The following FSIP2 variants were observed in gnomAD, a reference collection of about 807,000 sequenced individuals.
The protein encoded by FSIP2 is fibrous sheath interacting protein 2.
Under a neutral mutation model 510.5 loss-of-function variants are expected in FSIP2, and 367 were observed. The ratio of observed to expected loss-of-function variants is 0.72; its 90% CI spans 0.66 to 0.78. FSIP2 has a LOEUF of 0.78. Among genes scored for constraint, FSIP2 ranks in the 30% least tolerant of loss-of-function variants. The pLI, the probability that FSIP2 is intolerant of heterozygous loss-of-function variation, is 0.00. For synonymous variants in FSIP2, 2,601 were observed against 2,732.2 expected (o/e 0.95, Z 1.50); for missense variants, 7,594 against 7,901.7 (o/e 0.96, Z 1.48).
intron 20 of FSIP2, among the ~76,000 whole-genome samples, chr2:185,826,018 T>A (rs924314719): frequency 4.6e-5 from 7 of 151,848 alleles, no homozygotes; most frequent in Non-Finnish European, 7.4e-5. Flanking sequence ...ATACTTACCA[T>A]TGTGTTAGAG....
chr2:185,782,114 G>A (rs1692864398), intron 13 of FSIP2, among the ~76,000 whole-genome samples: 2 of 152,184 alleles, frequency 1.3e-5, no homozygotes, highest in African/African-American at 4.8e-5. Context: ...GGGATTACAG[G>A]CAATGTCAGT....
intron 19 of FSIP2, among the ~76,000 whole-genome samples, chr2:185,815,769 G>A (rs1333926004): frequency 6.6e-6 from 1 of 151,972 alleles, no homozygotes; most frequent in African/African-American, 2.4e-5. Flanking sequence ...GAGAGAGAGA[G>A]GTAATGGCCC....
At chr2:185,762,104 T>C in intron 11 of FSIP2, 87 bp downstream of exon 11, 1 of 641,372 alleles carries the variant, frequency 1.6e-6, no homozygotes, top group Non-Finnish European at 2.6e-6. Context: ...TTTTATCTGA[T>C]TATAAAAATA....
rs564204682 is a variant in FSIP2, at chr2:185,743,140, G to A, written c.233G>A (p.Arg78Gln). ...YTTNFGEKLF[R>Q]PSYGFNLTDP... ...TTGAATCTGTGTTTGCAGCTTTTTC[G>A]ACCTTCTTATGGTTTTAACCTGACT... Residue 78 changes from arginine to glutamine, a missense_variant, in exon 3 of 23, where the codon CGA becomes CAA. Coordinates refer to ENST00000424728, the MANE Select transcript of FSIP2 (RefSeq NM_173651.4). 3.4e-6 allele frequency: 5 copies of A among 1,460,388 alleles called. No individual in the cohort carries two copies. Among genetic ancestry groups the A allele is most frequent in the South Asian group, 2.8e-5 (2 of 71,102 alleles). 90.5% of individuals were successfully genotyped at this position (1,460,388 alleles called of 1,614,324 possible).
At position 185,740,984 on chromosome 2, in the gene FSIP2, C is replaced by T. The variant is rs1691911872; in HGVS notation, c.225+1513C>T. On this transcript the variant is annotated intron_variant, in intron 2 of 22. Coordinates refer to ENST00000424728, the MANE Select transcript of FSIP2 (RefSeq NM_173651.4). ...AAGTATAATTGCTCTTTAAAAAAAA[C>T]TAATCTGTTCTACTAGATTAGAGCA... Among the ~76,000 whole-genome samples, 5 of 152,218 alleles carry T rather than the reference C, an allele frequency of 3.3e-5. 1 individual carries two copies. In the South Asian group the frequency reaches 1.0e-3, roughly 32 times the overall value.
intron 5 of FSIP2, among the ~76,000 whole-genome samples, chr2:185,746,305 TTTGAAG>T (rs1692033203): frequency 6.6e-6 from 1 of 151,980 alleles, no homozygotes; most frequent in Non-Finnish European, 1.5e-5. Context: ...TTTTTCCACA[TTTGAAG>T]TTACTGTTTC....
rs754299625 is a variant in FSIP2, at chr2:185,745,426, T to C, written c.478-3T>C. 9.4e-5 allele frequency: 142 copies of C among 1,518,562 alleles called. No individual in the cohort carries two copies. Among genetic ancestry groups the C allele is most frequent in the Non-Finnish European group, 1.2e-4 (140 of 1,132,762 alleles). 94.1% of individuals were successfully genotyped at this position (1,518,562 alleles called of 1,614,324 possible). A position where few individuals can be genotyped will look rare whatever the true frequency, so the allele number is the denominator to read the frequency against. ...ATATGTAATACACACATTTCTTAAA[T>C]AGAGAATACTTGCAAAACAACTACA... is the stretch of plus-strand genomic sequence containing the variant. On this transcript the variant is annotated splice_polypyrimidine_tract_variant and splice_region_variant and intron_variant, in intron 4 of 22. Transcript: ENST00000424728.
At chr2:185,786,714 A>G (rs946959491) in intron 15 of FSIP2, among the ~76,000 whole-genome samples, 6 of 151,864 alleles carry the variant, frequency 4.0e-5, no homozygotes, top group East Asian at 1.9e-4. Context: ...CTGGTCACCT[A>G]TGAGCTGAGA....
At position 185,782,698 on chromosome 2, in the gene FSIP2, T is replaced by TA; in HGVS notation, c.1412-4dup. 1 of 1,500,634 alleles carries TA rather than the reference T, an allele frequency of 6.7e-7. No homozygotes were observed. The highest frequency in any genetic ancestry group is 1.2e-5 in the South Asian group (1 of 83,276). The allele number at this position is 1,500,634 out of a possible 1,614,324, so 93.0% of individuals were successfully genotyped here. A position where few individuals can be genotyped will look rare whatever the true frequency, so the allele number is the denominator to read the frequency against. ...AAACTATGTAATTTTATTTTTCTGA[T>TA]AAATAGGACCTCAGGCTCATGCTAC... On this transcript the variant is annotated splice_region_variant and splice_polypyrimidine_tract_variant and intron_variant, in intron 13 of 22. Transcript: ENST00000424728.
chr2:185,825,201 AG>A (rs1693994152), intron 20 of FSIP2, among the ~76,000 whole-genome samples: 2 of 151,884 alleles, frequency 1.3e-5, no homozygotes, highest in Non-Finnish European at 2.9e-5. Context: ...AATAGCATTA[AG>A]TATGCCAGAA....
chr2:185,813,343 TA>T (rs1007793320), intron 17 of FSIP2, among the ~76,000 whole-genome samples: 2 of 151,962 alleles, frequency 1.3e-5, no homozygotes, highest in Non-Finnish European at 2.9e-5. Flanking sequence ...GTAATAAATG[TA>T]AAAAAATGCA....
In FSIP2 at chr2:185,747,431, G is replaced by C. The variant is rs1182488823; in HGVS notation, c.870+8G>C. Reference sequence around the variant, plus strand: ...GAAGAGAGTGACAGGAAGGTAGGGTGAGCTTTAACCTCTAACTTGAGCTGT... The same window carrying C: ...GAAGAGAGTGACAGGAAGGTAGGGTCAGCTTTAACCTCTAACTTGAGCTGT... On this transcript the variant is annotated splice_region_variant and intron_variant, in intron 7 of 22. Transcript: ENST00000424728. 1.4e-6 allele frequency: 2 copies of C among 1,428,728 alleles called. No individual in the cohort carries two copies. Among genetic ancestry groups the C allele is most frequent in the African/African-American group, 2.8e-5 (2 of 70,940 alleles). 88.5% of individuals were successfully genotyped at this position (1,428,728 alleles called of 1,614,324 possible). A position where few individuals can be genotyped will look rare whatever the true frequency, so the allele number is the denominator to read the frequency against.
At chr2:185,816,234 A>ATT (rs35727958) in intron 19 of FSIP2, among the ~76,000 whole-genome samples, 22 of 148,024 alleles carry the variant, frequency 1.5e-4, no homozygotes, top group Middle Eastern at 3.6e-3. Context: ...CTGGAATTGC[A>ATT]TTTTTTTTTT....
In FSIP2 at chr2:185,747,326, A is replaced by G; in HGVS notation, c.773A>G (p.Lys258Arg). Residue 258 changes from lysine (K) to arginine (R), a missense_variant, in exon 7 of 23, where the codon AAA (lysine) becomes AGA (arginine). By Grantham distance (26) the Lys-to-Arg change is conservative (BLOSUM62 2). Coordinates refer to ENST00000424728, the MANE Select transcript of FSIP2 (RefSeq NM_173651.4). ...TGTGATTTCTAGGAATGGAAGACAA[A>G]AGAGATGTTACTTCTGACAAGGATG... ...RRKIEEEWKT[K>R]EMLLLTRMAE... The G allele has an allele frequency of 6.6e-7, 1 of 1,522,364 alleles. No homozygotes were observed. The highest frequency in any genetic ancestry group is 8.8e-7 in the Non-Finnish European group (1 of 1,134,486). 94.3% of individuals were successfully genotyped at this position (1,522,364 alleles called of 1,614,324 possible). A position where few individuals can be genotyped will look rare whatever the true frequency, so the allele number is the denominator to read the frequency against.
chr2:185,777,757 GT>G (rs1431586520), intron 13 of FSIP2, among the ~76,000 whole-genome samples: 1 of 151,850 alleles, frequency 6.6e-6, no homozygotes, highest in African/African-American at 2.4e-5. Context: ...AAATTTACCA[GT>G]AGTTTGTTTA....
In FSIP2 at chr2:185,804,118, G is replaced by A; in HGVS notation, c.14812G>A (p.Glu4938Lys). The A allele has an allele frequency of 6.6e-7, 1 of 1,523,628 alleles. No individual in the cohort carries two copies. The highest frequency in any genetic ancestry group is 8.8e-7 in the Non-Finnish European group (1 of 1,141,926). 94.4% of individuals were successfully genotyped at this position (1,523,628 alleles called of 1,614,324 possible). Residue 4938 changes from glutamate to lysine, a missense_variant, in exon 17 of 23, where the codon GAA (glutamate) becomes AAA (lysine). By Grantham distance (56) the Glu-to-Lys change is moderately conservative. Transcript: ENST00000424728. ...KLKAIDPKQR[E>K]LSFIVNSSVF... ...GAAAGCAATAGATCCTAAACAAAGA[G>A]AATTATCTTTTATTGTGAACTCATC...
Position 185,800,412 on chromosome 2 carries a change from T to C in FSIP2, c.11106T>C (p.Ile3702=), listed in dbSNP as rs1693405646. The C allele has an allele frequency of 1.2e-5, 18 of 1,526,912 alleles. No homozygotes were observed. Among genetic ancestry groups the C allele is most frequent in the Non-Finnish European group, 1.6e-5 (18 of 1,143,578 alleles). 94.6% of individuals were successfully genotyped at this position (1,526,912 alleles called of 1,614,324 possible). The part of the protein sequence containing the change: ...SKEVVNKVFN[I]VSDLFSPDEC... The stretch of plus-strand genomic sequence containing the variant: ...AAGTAGTCAATAAAGTTTTTAATAT[T>C]GTTTCAGATTTATTTTCACCAGATG... The change falls in exon 17 of 23, where the codon ATT becomes ATC. Residue 3702 remains isoleucine, a synonymous_variant. Coordinates refer to ENST00000424728, the MANE Select transcript of FSIP2 (RefSeq NM_173651.4).
intron 19 of FSIP2, among the ~76,000 whole-genome samples, chr2:185,821,009 TAAAAAAAAAAAA>T (rs59331328): frequency 4.0e-5 from 3 of 74,962 alleles, no homozygotes; most frequent in Non-Finnish European, 7.6e-5. Context: ...GTTGGTTCGT[TAAAAAAAAAAAA>T]AAAAAAAAAA....
At chr2:185,788,198 T>C (rs1317342629) in intron 15 of FSIP2, 1 of 152,124 alleles carries the variant, frequency 6.6e-6, no homozygotes, top group Non-Finnish European at 1.5e-5. Flanking sequence ...CATCCAAATA[T>C]TTTGACTGGA....
Sources: gnomAD v4.1 joint callset for allele counts (sites outside exome capture counted in the v4.1 genomes callset) on GRCh38, gnomAD v4.1.1 for gene constraint, MANE v1.5 for transcripts, NCBI Gene and HGNC (gene_info 2026-07-23, HGNC 2026-07-21) for gene names.